The following CDH26 variants were observed in gnomAD, a reference collection of about 807,000 sequenced individuals.
The protein encoded by CDH26 is cadherin 26.
In CDH26, 83 loss-of-function variants were observed where a neutral mutation model predicts 90.3. The ratio of observed to expected loss-of-function variants is 0.92; its 90% CI spans 0.77 to 1.10. The LOEUF is 1.10. Ranked by LOEUF, CDH26 falls within the 50% of genes least tolerant of loss-of-function variation. The pLI is 0.00. For synonymous variants in CDH26, 397 were observed against 396.3 expected, an observed-to-expected ratio of 1.00 and a Z score of -0.02; for missense variants, 1,013 against 1,037.6, an observed-to-expected ratio of 0.98 and a Z score of 0.33.
chr20:60,021,802 T>A (rs942122965), intron 7 of CDH26, among the ~76,000 whole-genome samples: 5 of 149,376 alleles, frequency 3.3e-5, no homozygotes, highest in African/African-American at 1.2e-4. Context: ...TATGAATTTT[T>A]AGTTTGCTGT....
chr20:59,969,051 A>G (rs1008555834), intron 2 of CDH26, 28 bp downstream of exon 2: 1 of 1,453,468 alleles, frequency 6.9e-7, no homozygotes, highest in Non-Finnish European at 9.7e-7. Flanking sequence ...GTTTCTTAAT[A>G]TATAAAATCA....
rs777639478 is a variant in CDH26 at position 59,992,460 on chromosome 20, C to T, written c.1366C>T (p.Arg456Ter). 18 of 1,613,912 alleles carry T rather than the reference C, an allele frequency of 1.1e-5. No individual in the cohort carries two copies. The highest frequency in any genetic ancestry group is 3.3e-5 in the Admixed American group (2 of 59,992). The change falls in exon 10 of 18, where the codon CGA (arginine) becomes TGA (stop). Residue 456 changes from arginine (R) to a stop codon, truncating the protein, a stop_gained. Transcript: ENST00000348616. LOFTEE classifies it high-confidence loss of function. This position sits in a 1 kb window ranked among gnomAD's most constrained non-coding sequence, Gnocchi z 5.0. ...GVVITVEPID[R>*]ESPHVNNSFY... is the part of the protein sequence containing the mutation. The stretch of plus-strand genomic sequence containing the variant: ...GGTCATCACCGTGGAGCCAATTGAC[C>T]GAGAATCCCCTCATGTAAATAACAG...
chr20:59,981,407 T>A (rs2061393858), intron 4 of CDH26, among the ~76,000 whole-genome samples: 1 of 152,164 alleles, frequency 6.6e-6, no homozygotes, highest in Non-Finnish European at 1.5e-5. Context: ...TTTGATTTCT[T>A]TCATCAGTGT....
intron 1 of CDH26, among the ~76,000 whole-genome samples, chr20:59,962,169 GA>G (rs1396826993): frequency 3.3e-5 from 5 of 152,268 alleles, no homozygotes; most frequent in Admixed American, 3.3e-4. Flanking sequence ...ACACTGGGGG[GA>G]AAGGGGTGTG....
intron 1 of CDH26, among the ~76,000 whole-genome samples, chr20:59,968,055 C>T (rs1321690918): frequency 1.5e-5 from 2 of 136,136 alleles, no homozygotes; most frequent in African/African-American, 3.0e-5. Flanking sequence ...CTCTCTCTGT[C>T]TCTCTCTCTC....
chr20:59,985,255 G>T, intron 7 of CDH26, 126 bp downstream of exon 7: 1 of 1,123,062 alleles, frequency 8.9e-7, no homozygotes, highest in Non-Finnish European at 1.2e-6. Context: ...ACCTCAGACT[G>T]GGTAATTTAT....
chr20:60,009,029 C>G (rs878944950), intron 17 of CDH26, among the ~76,000 whole-genome samples: 6 of 152,162 alleles, frequency 3.9e-5, no homozygotes, highest in Non-Finnish European at 8.8e-5. Context: ...GTGTCTCTCC[C>G]GAGCCGACTG....
chr20:59,998,495 CA>C (rs1311191708), intron 13 of CDH26, among the ~76,000 whole-genome samples: 3 of 152,204 alleles, frequency 2.0e-5, no homozygotes, highest in Non-Finnish European at 4.4e-5. Flanking sequence ...GGCTTAATGA[CA>C]TGGTGGCACT....
chr20:59,973,339 C>CTTG (rs200939309), intron 4 of CDH26, among the ~76,000 whole-genome samples: 3,468 of 152,260 alleles, frequency 0.023, 58 homozygotes, highest in South Asian at 0.043. Flanking sequence ...TCAGTGCTCA[C>CTTG]TTGTTGTTGT....
chr20:59,979,269 G>A (rs1022969164), intron 4 of CDH26, among the ~76,000 whole-genome samples: 1 of 132,460 alleles, frequency 7.5e-6, no homozygotes, highest in African/African-American at 3.0e-5. Flanking sequence ...TGCAATCTTT[G>A]CTCACTGCAA....
At chr20:60,033,760 C>A in exon 9 of CDH26, 2 of 1,092,016 alleles carry the variant, frequency 1.8e-6, no homozygotes, top group South Asian at 1.6e-5. Flanking sequence ...TGGCAATTAT[C>A]CAGGTAGACA....
intron 16 of CDH26, among the ~76,000 whole-genome samples, chr20:60,004,060 C>T (rs2061710165): frequency 6.6e-6 from 1 of 152,188 alleles, no homozygotes; most frequent in African/African-American, 2.4e-5. Flanking sequence ...CTCTGAGAGG[C>T]CCCTGGGGCT....
chr20:60,004,862 A>T (rs950385293), intron 16 of CDH26, among the ~76,000 whole-genome samples: 8 of 152,010 alleles, frequency 5.3e-5, no homozygotes, highest in African/African-American at 1.9e-4. Context: ...CCAGCTTTAT[A>T]TATACGGCCT....
chr20:59,985,228 T>C, intron 7 of CDH26, 99 bp downstream of exon 7: 2 of 1,414,750 alleles, frequency 1.4e-6, no homozygotes, highest in Non-Finnish European at 1.9e-6. Flanking sequence ...GCTGTTATCA[T>C]ATTGCTGTGA....
intron 16 of CDH26, among the ~76,000 whole-genome samples, chr20:60,005,351 G>A (rs1431941265): frequency 1.3e-5 from 2 of 151,262 alleles, no homozygotes; most frequent in African/African-American, 2.5e-5. Flanking sequence ...TTGTTCAAGG[G>A]TCAACTGTAT....
intron 1 of CDH26, among the ~76,000 whole-genome samples, chr20:59,967,537 T>C (rs1006216116): frequency 1.3e-5 from 2 of 152,222 alleles, no homozygotes; most frequent in African/African-American, 4.8e-5. Flanking sequence ...ATAAAACTTA[T>C]AAGATTTAAG....
At chr20:59,998,631 C>T (rs1361802010) in intron 13 of CDH26, among the ~76,000 whole-genome samples, 2 of 152,186 alleles carry the variant, frequency 1.3e-5, no homozygotes, top group Admixed American at 6.5e-5. Context: ...CATCTCCATT[C>T]CTGCTTCAGT....
In CDH26 at chr20:59,988,933, A is replaced by G. The variant is rs375902508; in HGVS notation, c.1053A>G (p.Gln351=). 9.3e-6 allele frequency: 15 copies of G among 1,614,060 alleles called. No individual in the cohort carries two copies. Among genetic ancestry groups the G allele is most frequent in the Non-Finnish European group, 1.3e-5 (15 of 1,180,040 alleles). The part of the protein sequence containing the change: ...KPLDYETRPA[Q]SLIIVVENEE... ...TGGATTATGAGACTCGCCCAGCGCA[A>G]AGCCTCATCATTGTCGTGGAGAATG... is the stretch of plus-strand genomic sequence containing the variant. The change falls in exon 9 of 18, where the codon CAA becomes CAG. Residue 351 remains glutamine (Q), a synonymous_variant. Transcript: ENST00000348616.
chr20:59,963,138 T>C (rs1435158576), intron 1 of CDH26, among the ~76,000 whole-genome samples: 1 of 152,162 alleles, frequency 6.6e-6, no homozygotes, highest in African/African-American at 2.4e-5. Flanking sequence ...ATACAAACAC[T>C]TATACATGTA....
Sources: gnomAD v4.1 joint callset for allele counts (sites outside exome capture counted in the v4.1 genomes callset) on GRCh38, gnomAD v4.1.1 for gene constraint, Gnocchi (gnomAD v3.1) non-coding constraint, MANE v1.5 for transcripts, NCBI Gene and HGNC (gene_info 2026-07-23, HGNC 2026-07-21) for gene names.